Variants in ANKS1B observed in about 807,000 individuals in gnomAD.
ANKS1B encodes ankyrin repeat and sterile alpha motif domain containing 1B, also known as ankyrin repeat and sterile alpha motif domain-containing protein 1B.
ANKS1B carries 36 observed loss-of-function variants against 148.3 expected under a neutral mutation model. The ratio of observed to expected loss-of-function variants is 0.24; its 90% confidence interval spans 0.19 to 0.32. The LOEUF is 0.32. Ranked by LOEUF, ANKS1B falls within the 10% of genes least tolerant of loss-of-function variation. The probability of loss-of-function intolerance (pLI) is 1.00; values close to 1 mark genes in which losing one functional copy is unlikely to be tolerated. For synonymous variants in ANKS1B, 542 were observed against 560.8 expected (o/e 0.97, Z 0.47); for missense variants, 1,157 against 1,542.6 (o/e 0.75, Z 4.19).
At chr12:99,473,591 C>G (rs2096274035) in intron 10 of ANKS1B, among the ~76,000 whole-genome samples, 1 of 151,974 alleles carries the variant, frequency 6.6e-6, no homozygotes, top group African/African-American at 2.4e-5. Context: ...CTTTACAATA[C>G]TTGATATTGT....
chr12:98,932,826 T>C (rs1460241945), intron 17 of ANKS1B, among the ~76,000 whole-genome samples: 1 of 152,216 alleles, frequency 6.6e-6, no homozygotes, highest in East Asian at 1.9e-4. Flanking sequence ...TGTGCTTTTT[T>C]GAACCTCTTA....
chr12:99,503,700 G>C lies in ANKS1B; in HGVS notation c.1438+776C>G, dbSNP rs140663834. ...CCCAATGTCTCACTATTAACTTCCA[G>C]ACATCTACTTGTACCACATCACTTC... On this transcript the variant is annotated intron_variant, in intron 10 of 26. Transcript: ENST00000683438. 7.6e-4 allele frequency among the ~76,000 whole-genome samples: 116 copies of C among 151,648 alleles called. 1 individual carries two copies. The East Asian group carries it at 0.021, about 28-fold the overall frequency.
chr12:99,203,175 A>G (rs575211429), intron 14 of ANKS1B, among the ~76,000 whole-genome samples: 1 of 152,310 alleles, frequency 6.6e-6, no homozygotes, highest in East Asian at 1.9e-4. Flanking sequence ...AACCTGCATT[A>G]GATCTTTAGA....
chr12:99,246,832 G>C lies in ANKS1B; in HGVS notation c.1789C>G (p.Pro597Ala). ...DLSRQDDNDP[P>A]KEYDPGQFAG... is the part of the protein sequence containing the mutation. ...AATTGCCCAGGATCATATTCTTTTG[G>C]GGGATCATTGTCATCCTGTCGGGAG... Residue 597 changes from proline to alanine, a missense_variant, in exon 13 of 27, where the codon CCA (proline) becomes GCA (alanine). By Grantham distance (27) the Pro-to-Ala change is conservative. Transcript: ENST00000683438. 2 of 1,603,618 alleles carry C rather than the reference G, an allele frequency of 1.2e-6. No homozygotes were observed. The highest frequency in any genetic ancestry group is 2.7e-5 in the African/African-American group (2 of 74,622).
At chr12:99,592,480 GAA>G (rs60935160) in intron 9 of ANKS1B, among the ~76,000 whole-genome samples, 1 of 130,630 alleles carries the variant, frequency 7.7e-6, no homozygotes. Context: ...GATTGGAAAT[GAA>G]AAAAAAAAAA....
chr12:98,736,633 C>G (rs1374290719), intron 9 of ANKS1B, among the ~76,000 whole-genome samples: 1 of 152,094 alleles, frequency 6.6e-6, no homozygotes, highest in East Asian at 1.9e-4. Flanking sequence ...TAGATGAAAT[C>G]AGCAGTGAAG....
chr12:99,210,915 T>G (rs1342568370), intron 14 of ANKS1B, among the ~76,000 whole-genome samples: 3 of 152,224 alleles, frequency 2.0e-5, no homozygotes, highest in African/African-American at 7.2e-5. Context: ...TTTTAAATGT[T>G]TGCATGCAGC....
Position 99,401,828 on chromosome 12 carries a change from C to A in ANKS1B, c.1576-2017G>T, listed in dbSNP as rs183131511. On this transcript the variant is annotated intron_variant, in intron 11 of 26. Transcript: ENST00000683438. ...AAAAATTAGAAGCATTATACTTAGT[C>A]ATGCCCTAAGGCAAGGGTCAGCAAA... is the stretch of plus-strand genomic sequence containing the variant. Among the ~76,000 whole-genome samples, 286 of 146,824 alleles carry A rather than the reference C, an allele frequency of 1.9e-3. 31 individuals are homozygous for A. Among genetic ancestry groups the A allele is most frequent in the Middle Eastern group, 3.5e-3 (1 of 288 alleles).
intron 9 of ANKS1B, chr12:99,647,978 C>T (rs985902482): frequency 1.5e-6 from 1 of 685,924 alleles, no homozygotes; most frequent in Non-Finnish European, 2.4e-6. Flanking sequence ...AGGGGACTGA[C>T]TGTCTCTGGC....
chr12:99,071,232 G>A (rs2046171057), intron 16 of ANKS1B, among the ~76,000 whole-genome samples: 1 of 152,084 alleles, frequency 6.6e-6, no homozygotes, highest in South Asian at 2.1e-4. Context: ...TTTTCTCCTT[G>A]CACTGTGTCT....
intron 15 of ANKS1B, among the ~76,000 whole-genome samples, chr12:99,146,103 C>T (rs529486): frequency 0.84 from 128,193 of 152,098 alleles, 54,620 homozygotes; most frequent in East Asian, 1. Context: ...GGATAATTTA[C>T]ATGGAAATAT....
Position 99,825,329 on chromosome 12 carries a change from G to A in ANKS1B, c.195C>T (p.His65=), listed in dbSNP as rs377430273. Reference sequence around the variant, plus strand: ...CTTACTTATGTCCATTTAAGGCTGCGTGGTGTAAAGCAGTGTAACCCGAAC... The same window carrying A: ...CTTACTTATGTCCATTTAAGGCTGCATGGTGTAAAGCAGTGTAACCCGAAC... ...TDSSGYTALH[H]AALNGHKDIV... The change falls in exon 2 of 27, where the codon CAC becomes CAT. Residue 65 remains histidine (H), a synonymous_variant. Transcript: ENST00000683438. 536 of 1,612,676 alleles carry A rather than the reference G, an allele frequency of 3.3e-4. 8 individuals carry two copies. In the South Asian group the frequency reaches 4.1e-3, roughly 12 times the overall value.
At chr12:99,066,530 C>T (rs1319474190) in intron 16 of ANKS1B, among the ~76,000 whole-genome samples, 2 of 152,088 alleles carry the variant, frequency 1.3e-5, no homozygotes, top group East Asian at 3.9e-4. Flanking sequence ...GCTTATAAGA[C>T]CTGGCAAGGA....
intron 8 of ANKS1B, among the ~76,000 whole-genome samples, chr12:99,689,533 G>T (rs925295668): frequency 1.3e-5 from 2 of 152,290 alleles, no homozygotes; most frequent in South Asian, 2.1e-4. Context: ...TATGTTACCT[G>T]GCCAAAGAAG....
chr12:98,970,149 T>A (rs1184159904), intron 17 of ANKS1B, among the ~76,000 whole-genome samples: 4 of 152,226 alleles, frequency 2.6e-5, no homozygotes, highest in Non-Finnish European at 5.9e-5. Flanking sequence ...CTTCTCAATA[T>A]GTATTTACAT....
chr12:99,239,947 C>G (rs959298797), intron 14 of ANKS1B, among the ~76,000 whole-genome samples: 1 of 152,178 alleles, frequency 6.6e-6, no homozygotes, highest in African/African-American at 2.4e-5. Context: ...CAACCGGTAC[C>G]AGCCACTGCA....
chr12:98,968,466 AC>A (rs1473278842), intron 17 of ANKS1B, among the ~76,000 whole-genome samples: 1 of 142,776 alleles, frequency 7.0e-6, no homozygotes, highest in Non-Finnish European at 1.5e-5. Flanking sequence ...GACCAAAAAA[AC>A]AAACAAACAA....
intron 12 of ANKS1B, among the ~76,000 whole-genome samples, chr12:99,275,736 A>C (rs2077593499): frequency 6.6e-6 from 1 of 152,212 alleles, no homozygotes; most frequent in South Asian, 2.1e-4. Context: ...GTCACTGGCT[A>C]TACCATATTC....
At chr12:99,789,770 T>C (rs2065420926) in intron 4 of ANKS1B, among the ~76,000 whole-genome samples, 1 of 151,986 alleles carries the variant, frequency 6.6e-6, no homozygotes, top group Admixed American at 6.6e-5. Flanking sequence ...TCTACAGCCA[T>C]ACCGCCCCAA....
Sources: allele counts gnomAD v4.1 joint callset (sites outside exome capture counted in the v4.1 genomes callset), GRCh38; gene constraint gnomAD v4.1.1; transcripts MANE v1.5; gene names NCBI Gene and HGNC (gene_info 2026-07-23, HGNC 2026-07-21).